TEAD1: variants seen among roughly 807,000 people sequenced by gnomAD.
The protein encoded by TEAD1 is TEA domain transcription factor 1.
A neutral mutation model predicts 54.9 loss-of-function variants in TEAD1; 9 were observed. The ratio of observed to expected loss-of-function variants is 0.16; its 90% confidence interval spans 0.10 to 0.29. TEAD1 has a LOEUF of 0.29. Ranked by LOEUF, TEAD1 falls within the 10% of genes least tolerant of loss-of-function variation. TEAD1 has a pLI of 1.00. For missense variants in TEAD1, 387 were observed against 535.9 expected (o/e 0.72, Z 2.74); for synonymous variants, 200 against 187.8 (o/e 1.07, Z -0.53).
chr11:12,695,580 T>C (rs890850874), intron 2 of TEAD1, among the ~76,000 whole-genome samples: 1 of 152,210 alleles, frequency 6.6e-6, no homozygotes, highest in Admixed American at 6.5e-5. Context: ...AATGGATTTG[T>C]AAGCCTCCTG....
intron 10 of TEAD1, among the ~76,000 whole-genome samples, chr11:12,916,854 G>A (rs1325082210): frequency 6.6e-6 from 1 of 152,154 alleles, no homozygotes. Flanking sequence ...GAACTATGTG[G>A]GTGAGGAGGA....
intron 3 of TEAD1, among the ~76,000 whole-genome samples, chr11:12,828,597 A>T (rs1946704277): frequency 6.6e-6 from 1 of 151,590 alleles, no homozygotes; most frequent in African/African-American, 2.4e-5. Context: ...TTAAAGATAC[A>T]GCTTTTGTTT....
chr11:12,847,874 A>G (rs1237155695), intron 3 of TEAD1, among the ~76,000 whole-genome samples: 2 of 152,148 alleles, frequency 1.3e-5, no homozygotes. Flanking sequence ...ATCTAAGCTC[A>G]ACTGAGGAAG....
At chr11:12,675,643 C>G (rs187468128) in intron 2 of TEAD1, 82 bp downstream of exon 2, 2 of 152,312 alleles carry the variant, frequency 1.3e-5, no homozygotes, top group African/African-American at 4.8e-5. Context: ...CACTTCTAGT[C>G]TTTGTTCGTA....
chr11:12,712,184 C>T (rs778257439), intron 2 of TEAD1, among the ~76,000 whole-genome samples: 8 of 152,128 alleles, frequency 5.3e-5, no homozygotes, highest in Non-Finnish European at 8.8e-5. Flanking sequence ...CTTCTCTGTC[C>T]GTCTGCCCGT....
At chr11:12,927,953 C>T (rs1208560215) in intron 11 of TEAD1, among the ~76,000 whole-genome samples, 2 of 152,012 alleles carry the variant, frequency 1.3e-5, no homozygotes, top group East Asian at 1.9e-4. Context: ...TGGTGTTTTG[C>T]CCTTTAGGAT....
intron 2 of TEAD1, among the ~76,000 whole-genome samples, chr11:12,714,007 A>T (rs954002990): frequency 3.3e-5 from 5 of 152,214 alleles, no homozygotes; most frequent in African/African-American, 4.8e-5. Context: ...AATAGGGCCT[A>T]GGGAGTGGAA....
At chr11:12,842,495 A>G (rs1045324245) in intron 3 of TEAD1, among the ~76,000 whole-genome samples, 2 of 152,166 alleles carry the variant, frequency 1.3e-5, no homozygotes, top group Non-Finnish European at 2.9e-5. Flanking sequence ...ACTTCCGGAG[A>G]TACTCTTAGC....
At chr11:12,878,907 A>G (rs1564974180) in intron 5 of TEAD1, 1 of 1,287,364 alleles carries the variant, frequency 7.8e-7, no homozygotes, top group East Asian at 5.6e-5. Context: ...CATGGTAAGT[A>G]TTTTCACCAA....
chr11:12,703,416 T>C (rs904341865), intron 2 of TEAD1, among the ~76,000 whole-genome samples: 3 of 152,210 alleles, frequency 2.0e-5, no homozygotes, highest in South Asian at 4.1e-4. Context: ...GAGTGACACA[T>C]AGCAAGTGCT....
At chr11:12,878,893 C>G in intron 5 of TEAD1, 1 of 1,285,952 alleles carries the variant, frequency 7.8e-7, no homozygotes, top group Non-Finnish European at 1.0e-6. Context: ...ATCCAGGTAA[C>G]AAGCATGGTA....
At chr11:12,740,306 AG>A (rs1944625677) in intron 2 of TEAD1, among the ~76,000 whole-genome samples, 1 of 152,232 alleles carries the variant, frequency 6.6e-6, no homozygotes, top group South Asian at 2.1e-4. Flanking sequence ...CAAAGTGCTT[AG>A]AACAGGGTTC....
intron 10 of TEAD1, among the ~76,000 whole-genome samples, chr11:12,921,030 T>C (rs1948795725): frequency 6.6e-6 from 1 of 152,220 alleles, no homozygotes. Context: ...CGCAAGGTTT[T>C]AGAAAAGTTA....
chr11:12,812,174 G>A (rs1427225896), intron 3 of TEAD1, among the ~76,000 whole-genome samples: 1 of 152,140 alleles, frequency 6.6e-6, no homozygotes, highest in Non-Finnish European at 1.5e-5. Context: ...GTGGCTTGTG[G>A]TTGTGGACTG....
intron 3 of TEAD1, among the ~76,000 whole-genome samples, chr11:12,779,536 T>G (rs1014886369): frequency 1.3e-5 from 2 of 152,176 alleles, no homozygotes; most frequent in Non-Finnish European, 2.9e-5. Flanking sequence ...ACAACTTCAG[T>G]GTGAAGATTA....
chr11:12,930,695 G>A (rs1260192005), intron 12 of TEAD1, among the ~76,000 whole-genome samples: 1 of 152,092 alleles, frequency 6.6e-6, no homozygotes, highest in East Asian at 1.9e-4. Flanking sequence ...CAGGACCCAG[G>A]CATGTGTATT....
intron 3 of TEAD1, among the ~76,000 whole-genome samples, chr11:12,832,410 G>T (rs1946801755): frequency 6.6e-6 from 1 of 152,216 alleles, no homozygotes; most frequent in Non-Finnish European, 1.5e-5. Context: ...TCTTAGCAAA[G>T]TGAGAAAAGG....
At chr11:12,812,161 C>A (rs930641915) in intron 3 of TEAD1, among the ~76,000 whole-genome samples, 1 of 152,024 alleles carries the variant, frequency 6.6e-6, no homozygotes, top group Non-Finnish European at 1.5e-5. Flanking sequence ...GGCTTTTGAG[C>A]TCGTGGCTTG....
intron 2 of TEAD1, among the ~76,000 whole-genome samples, chr11:12,719,411 C>A (rs1389051333): frequency 2.0e-5 from 3 of 152,118 alleles, no homozygotes; most frequent in Non-Finnish European, 4.4e-5. Context: ...AGAGAGATCC[C>A]GCTTTTGCTC....
Sources: allele counts gnomAD v4.1 joint callset (sites outside exome capture counted in the v4.1 genomes callset), GRCh38; gene constraint gnomAD v4.1.1; transcripts MANE v1.5; gene names NCBI Gene and HGNC (gene_info 2026-07-23, HGNC 2026-07-21).